The following SORCS2 variants were observed in gnomAD, a reference collection of about 807,000 sequenced individuals.
SORCS2 encodes VPS10 domain-containing receptor SorCS2.
In SORCS2, 100 loss-of-function variants were observed where a neutral mutation model predicts 141.6. The ratio of observed to expected loss-of-function variants is 0.71; its 90% CI spans 0.60 to 0.83. The LOEUF (loss-of-function observed/expected upper bound fraction) is 0.83, where lower values mean the gene tolerates loss of function less well. Among genes scored for constraint, SORCS2 ranks in the 40% least tolerant of loss-of-function variants. The pLI is 0.00. For synonymous variants in SORCS2, 789 were observed against 676.9 expected (o/e 1.17, Z -2.57); for missense variants, 1,646 against 1,560.2 (o/e 1.05, Z -0.93).
chr4:7,523,335 A>G (rs1733461542), intron 2 of SORCS2, among the ~76,000 whole-genome samples: 1 of 152,184 alleles, frequency 6.6e-6, no homozygotes, highest in African/African-American at 2.4e-5. Flanking sequence ...ACTGTGGCCC[A>G]GGGAGGGAAA....
chr4:7,204,263 T>C (rs1332544233), intron 1 of SORCS2, among the ~76,000 whole-genome samples: 1 of 152,174 alleles, frequency 6.6e-6, no homozygotes, highest in African/African-American at 2.4e-5. Flanking sequence ...TTGCCTAGGC[T>C]GGAGTGCAGT....
At chr4:7,464,648 G>A (rs1729502644) in intron 2 of SORCS2, among the ~76,000 whole-genome samples, 1 of 152,226 alleles carries the variant, frequency 6.6e-6, no homozygotes, top group Non-Finnish European at 1.5e-5. Flanking sequence ...GGTAGGACTA[G>A]GGGCTGCTGT....
intron 1 of SORCS2, among the ~76,000 whole-genome samples, chr4:7,387,693 TACACAC>T (rs1399993376): frequency 1.7e-5 from 2 of 119,740 alleles, no homozygotes; most frequent in Non-Finnish European, 3.4e-5. Context: ...TACACAGAGA[TACACAC>T]GCACATGCAC....
intron 2 of SORCS2, among the ~76,000 whole-genome samples, chr4:7,514,738 CT>C (rs1242676679): frequency 1.3e-5 from 2 of 152,142 alleles, no homozygotes; most frequent in African/African-American, 4.8e-5. Flanking sequence ...AGGGACACCC[CT>C]GTGAGCCTTG....
intron 1 of SORCS2, among the ~76,000 whole-genome samples, chr4:7,219,987 G>A (rs919627712): frequency 5.9e-5 from 9 of 152,238 alleles, no homozygotes; most frequent in African/African-American, 2.2e-4. Flanking sequence ...CTGGATTTAA[G>A]AGGCCAGGAA....
At position 7,503,027 on chromosome 4, in the gene SORCS2, C is replaced by G. The variant is rs543804513; in HGVS notation, c.549-28503C>G. Among the ~76,000 whole-genome samples the G allele has an allele frequency of 2.0e-5, 3 of 152,134 alleles. No individual in the cohort carries two copies. The East Asian group carries it at 5.8e-4, about 29-fold the overall frequency. On this transcript the variant is annotated intron_variant, in intron 2 of 26. Transcript: ENST00000507866. ...ATTTCACGTTTTAAAATTAACCAGC[C>G]GAGCAGAGAGGCCCTGCCAGCGGTA... is the stretch of plus-strand genomic sequence containing the variant.
intron 4 of SORCS2, among the ~76,000 whole-genome samples, chr4:7,642,751 G>A (rs1453070007): frequency 1.3e-5 from 2 of 152,072 alleles, no homozygotes; most frequent in African/African-American, 2.4e-5. Context: ...GCTCTGCTGG[G>A]CTTTGCTGCG....
chr4:7,279,182 G>A (rs1431733506), intron 1 of SORCS2, among the ~76,000 whole-genome samples: 1 of 151,756 alleles, frequency 6.6e-6, no homozygotes, highest in Admixed American at 6.6e-5. Context: ...TCCCTTTTTT[G>A]GTGGTGGTTC....
intron 1 of SORCS2, among the ~76,000 whole-genome samples, chr4:7,247,035 C>T (rs1182666749): frequency 1.3e-5 from 2 of 152,192 alleles, no homozygotes; most frequent in Non-Finnish European, 2.9e-5. Context: ...CAGGAAGTGT[C>T]TGCATAACAA....
intron 10 of SORCS2, among the ~76,000 whole-genome samples, chr4:7,689,000 G>A (rs926608981): frequency 2.6e-5 from 4 of 152,166 alleles, no homozygotes; most frequent in African/African-American, 9.7e-5. Flanking sequence ...CACATAAGAG[G>A]CTCCCAATAA....
rs1017888718 is a variant in SORCS2, at chr4:7,464,263, C to T, written c.549-67267C>T. Among the ~76,000 whole-genome samples the T allele has an allele frequency of 1.6e-4, 24 of 152,274 alleles. No homozygotes were observed. In the South Asian group the frequency reaches 1.7e-3, roughly 11 times the overall value. The stretch of plus-strand genomic sequence containing the variant: ...GAGCCCCTAACTCTAGCTGGAGAAG[C>T]CAGTAGAAGTCTCCATGGAGGTGGA... On this transcript the variant is annotated intron_variant, in intron 2 of 26. Transcript: ENST00000507866.
At chr4:7,410,998 C>G (rs997933190) in intron 2 of SORCS2, among the ~76,000 whole-genome samples, 4 of 138,108 alleles carry the variant, frequency 2.9e-5, no homozygotes, top group African/African-American at 1.1e-4. Flanking sequence ...AATCTGTCGC[C>G]AGGCCAGAGT....
At chr4:7,452,774 G>A (rs552354364) in intron 2 of SORCS2, among the ~76,000 whole-genome samples, 2 of 152,224 alleles carry the variant, frequency 1.3e-5, no homozygotes, top group African/African-American at 4.8e-5. Context: ...CCAGCAGAGC[G>A]TAAGAGCTTG....
At chr4:7,198,855 A>T (rs1477478605) in intron 1 of SORCS2, among the ~76,000 whole-genome samples, 1 of 152,068 alleles carries the variant, frequency 6.6e-6, no homozygotes, top group African/African-American at 2.4e-5. Flanking sequence ...GAGTCTAGGG[A>T]AGTCTCGGCG....
chr4:7,499,951 C>T (rs1259797952), intron 2 of SORCS2, among the ~76,000 whole-genome samples: 2 of 152,126 alleles, frequency 1.3e-5, no homozygotes, highest in Non-Finnish European at 2.9e-5. Flanking sequence ...GGGGAGCCAG[C>T]TGTCCTCCTT....
At chr4:7,217,231 G>A (rs988472077) in intron 1 of SORCS2, among the ~76,000 whole-genome samples, 3 of 152,192 alleles carry the variant, frequency 2.0e-5, no homozygotes, top group South Asian at 2.1e-4. Flanking sequence ...TCTCACCCCC[G>A]CCTTTCTGGC....
chr4:7,684,106 C>T (rs752915642), intron 10 of SORCS2, among the ~76,000 whole-genome samples: 30 of 152,228 alleles, frequency 2.0e-4, no homozygotes, highest in South Asian at 6.2e-4. Flanking sequence ...CCTTGCATAC[C>T]GCAGGGAGCT....
intron 3 of SORCS2, among the ~76,000 whole-genome samples, chr4:7,624,211 A>T (rs963974712): frequency 6.6e-6 from 1 of 152,088 alleles, no homozygotes; most frequent in Non-Finnish European, 1.5e-5. Context: ...GCAGACCCTG[A>T]CTGGGGCTTC....
At chr4:7,399,438 G>A (rs533747561) in intron 2 of SORCS2, among the ~76,000 whole-genome samples, 24 of 152,286 alleles carry the variant, frequency 1.6e-4, no homozygotes, top group African/African-American at 5.8e-4. Context: ...TCTGAAAGTG[G>A]CTCGAAGCTG....
Sources: gnomAD v4.1 joint callset for allele counts (sites outside exome capture counted in the v4.1 genomes callset) on GRCh38, gnomAD v4.1.1 for gene constraint, MANE v1.5 for transcripts, NCBI Gene and HGNC (gene_info 2026-07-23, HGNC 2026-07-21) for gene names.